Variants in TTC17 observed in about 807,000 individuals in gnomAD.
The protein encoded by TTC17 is tetratricopeptide repeat protein 17.
In TTC17, 58 loss-of-function variants were observed where a neutral mutation model predicts 143.8. The observed-to-expected ratio is 0.40, with a 90% CI of 0.33 to 0.50. TTC17 has a LOEUF of 0.50. Ranked by LOEUF, TTC17 falls within the 20% of genes least tolerant of loss-of-function variation. The pLI is 0.49. For synonymous variants in TTC17, 501 were observed against 497.8 expected (o/e 1.01, Z -0.09); for missense variants, 1,273 against 1,392.5 (o/e 0.91, Z 1.37).
At chr11:43,420,242 T>C (rs1946870650) in intron 16 of TTC17, among the ~76,000 whole-genome samples, 1 of 152,182 alleles carries the variant, frequency 6.6e-6, no homozygotes, top group Non-Finnish European at 1.5e-5. Context: ...GCCAGTGTGG[T>C]TCCTGTGCAT....
At chr11:43,379,402 G>C in intron 2 of TTC17, 80 bp downstream of exon 2, 1 of 1,321,168 alleles carries the variant, frequency 7.6e-7, no homozygotes, top group Non-Finnish European at 1.1e-6. Flanking sequence ...AAAAGCTAAA[G>C]CATATTATTT....
chr11:43,425,623 T>G (rs765592709), intron 16 of TTC17, among the ~76,000 whole-genome samples: 4 of 152,146 alleles, frequency 2.6e-5, no homozygotes, highest in Non-Finnish European at 2.9e-5. Flanking sequence ...TTAAAACACA[T>G]AAGACTGAGG....
intron 21 of TTC17, among the ~76,000 whole-genome samples, chr11:43,475,869 AAATG>A (rs1319913631): frequency 2.6e-4 from 39 of 152,212 alleles, no homozygotes; most frequent in Non-Finnish European, 5.6e-4. Context: ...ATGTATTGTG[AAATG>A]AATGAGTTCT....
At chr11:43,431,250 T>C (rs1947152570) in intron 16 of TTC17, among the ~76,000 whole-genome samples, 1 of 152,224 alleles carries the variant, frequency 6.6e-6, no homozygotes, top group Non-Finnish European at 1.5e-5. Context: ...CATGTGTCTT[T>C]ATAGTAGAAT....
At chr11:43,478,269 T>C (rs1948221432) in intron 21 of TTC17, among the ~76,000 whole-genome samples, 1 of 152,130 alleles carries the variant, frequency 6.6e-6, no homozygotes. Flanking sequence ...CCAATTAAAA[T>C]GTATGGCGCT....
chr11:43,444,227 A>G lies in TTC17; in HGVS notation c.2665+18A>G, dbSNP rs2134732526. 6.3e-7 allele frequency: 1 copy of G among 1,584,804 alleles called. No homozygotes were observed. Among genetic ancestry groups the G allele is most frequent in the Non-Finnish European group, 8.5e-7 (1 of 1,170,422 alleles). On this transcript the variant is annotated intron_variant, in intron 18 of 23. Transcript: ENST00000039989. The stretch of plus-strand genomic sequence containing the variant: ...GCCACAAGGTAAATTTGAATGTTTA[A>G]TATGCCAGTTTCTTGTTTTAGATGT...
At chr11:43,414,189 C>T (rs1304368826) in intron 15 of TTC17, among the ~76,000 whole-genome samples, 1 of 152,086 alleles carries the variant, frequency 6.6e-6, no homozygotes, top group Non-Finnish European at 1.5e-5. Flanking sequence ...TACATGTACT[C>T]ATAGGAGAAC....
rs567113239 is a variant in TTC17 at position 43,382,174 on chromosome 11, A to G, written c.249+2852A>G. 4.6e-5 allele frequency among the ~76,000 whole-genome samples: 7 copies of G among 152,362 alleles called. No homozygotes were observed. In the South Asian group the frequency reaches 1.4e-3, roughly 32 times the overall value. On this transcript the variant is annotated intron_variant, in intron 2 of 23. Transcript: ENST00000039989. Reference sequence around the variant, plus strand: ...AAAATCAATTCTACTGAAATTTTATATTCTTTTAAACTATCATTTAAGAAT... The same window carrying G: ...AAAATCAATTCTACTGAAATTTTATGTTCTTTTAAACTATCATTTAAGAAT...
intron 10 of TTC17, among the ~76,000 whole-genome samples, chr11:43,401,779 C>A (rs1857866337): frequency 6.6e-6 from 1 of 151,980 alleles, no homozygotes. Context: ...GAGTTCAAGA[C>A]CAGCCTGGGT....
chr11:43,408,935 G>A (rs532224028), intron 15 of TTC17, among the ~76,000 whole-genome samples: 1 of 151,754 alleles, frequency 6.6e-6, no homozygotes, highest in African/African-American at 2.4e-5. Flanking sequence ...TAGAGATGGG[G>A]TTTCACCATG....
intron 2 of TTC17, among the ~76,000 whole-genome samples, chr11:43,387,034 T>G (rs1265320474): frequency 6.6e-6 from 1 of 152,140 alleles, no homozygotes; most frequent in Non-Finnish European, 1.5e-5. Flanking sequence ...TCCTCTAGGC[T>G]TGGACTCCCA....
chr11:43,490,577 AG>A, intron 22 of TTC17: 1 of 500,036 alleles, frequency 2.0e-6, no homozygotes, highest in Non-Finnish European at 3.3e-6. Flanking sequence ...AACGTGGGGA[AG>A]GCCTTCCAGA....
At chr11:43,449,847 T>C in intron 19 of TTC17, 1 of 482,072 alleles carries the variant, frequency 2.1e-6, no homozygotes, top group Non-Finnish European at 3.7e-6. Context: ...TGTGCTGCTG[T>C]GCATAAAAGA....
chr11:43,378,157 C>A (rs1345535369), intron 1 of TTC17, among the ~76,000 whole-genome samples: 1 of 152,178 alleles, frequency 6.6e-6, no homozygotes, highest in African/African-American at 2.4e-5. Context: ...CCTGCCTCGG[C>A]CTCCCAAAGT....
At chr11:43,478,550 G>A (rs1039646634) in intron 21 of TTC17, among the ~76,000 whole-genome samples, 1 of 152,154 alleles carries the variant, frequency 6.6e-6, no homozygotes, top group Non-Finnish European at 1.5e-5. Flanking sequence ...GCCATGAGTT[G>A]ATAAGTGTTG....
chr11:43,389,113 C>T (rs1857282262), intron 2 of TTC17, among the ~76,000 whole-genome samples: 1 of 150,588 alleles, frequency 6.6e-6, no homozygotes, highest in South Asian at 2.1e-4. Flanking sequence ...AGCACTCCAA[C>T]CTGGGTGACA....
intron 21 of TTC17, among the ~76,000 whole-genome samples, chr11:43,473,672 C>G (rs1948130876): frequency 6.6e-6 from 1 of 151,988 alleles, no homozygotes; most frequent in African/African-American, 2.4e-5. Flanking sequence ...GTCAGGAGTT[C>G]TAAACCAGCC....
intron 16 of TTC17, among the ~76,000 whole-genome samples, chr11:43,420,530 A>G (rs947348304): frequency 6.6e-6 from 1 of 152,206 alleles, no homozygotes; most frequent in Admixed American, 6.5e-5. Flanking sequence ...TTAGATTGCC[A>G]CATAGCCTTC....
intron 1 of TTC17, among the ~76,000 whole-genome samples, chr11:43,365,630 T>C (rs531122514): frequency 6.6e-5 from 10 of 152,330 alleles, no homozygotes; most frequent in African/African-American, 2.4e-4. Context: ...CTCTTTTTCA[T>C]ACTCACCCTT....
Sources: gnomAD v4.1 joint callset for allele counts (sites outside exome capture counted in the v4.1 genomes callset) on GRCh38, gnomAD v4.1.1 for gene constraint, MANE v1.5 for transcripts, NCBI Gene and HGNC (gene_info 2026-07-23, HGNC 2026-07-21) for gene names.